The following LRRTM4 variants were observed in gnomAD, a reference collection of about 807,000 sequenced individuals.
The protein encoded by LRRTM4 is leucine-rich repeat transmembrane neuronal protein 4.
LRRTM4 carries 25 observed loss-of-function variants against 47.6 expected under a neutral mutation model. That is an observed-to-expected ratio of 0.53 (90% confidence interval 0.38 to 0.73). The LOEUF (loss-of-function observed/expected upper bound fraction) is 0.73, where lower values mean the gene tolerates loss of function less well. Among genes scored for constraint, LRRTM4 ranks in the 30% least tolerant of loss-of-function variants. The pLI is 0.00. For missense variants in LRRTM4, 638 were observed against 713.4 expected, an observed-to-expected ratio of 0.89 and a Z score of 1.20; for synonymous variants, 311 against 269.5, an observed-to-expected ratio of 1.15 and a Z score of -1.51.
intron 3 of LRRTM4, among the ~76,000 whole-genome samples, chr2:76,789,066 A>G (rs1310585978): frequency 6.6e-6 from 1 of 152,146 alleles, no homozygotes; most frequent in Admixed American, 6.5e-5. Context: ...TTCTATTACA[A>G]AATGATTCTT....
intron 3 of LRRTM4, among the ~76,000 whole-genome samples, chr2:76,971,603 G>A (rs1360698437): frequency 6.6e-6 from 1 of 152,016 alleles, no homozygotes; most frequent in South Asian, 2.1e-4. Context: ...TATCTGGATG[G>A]TGTCTTGTTG....
At position 77,519,294 on chromosome 2, in the gene LRRTM4, C is replaced by G; in HGVS notation, c.575G>C (p.Arg192Pro). The G allele has an allele frequency of 1.9e-6, 3 of 1,613,368 alleles. No homozygotes were observed. The highest frequency in any genetic ancestry group is 2.5e-6 in the Non-Finnish European group (3 of 1,179,578). The change falls in exon 3 of 4, where the codon CGT becomes CCT. Residue 192 changes from arginine to proline, a missense_variant. Transcript: ENST00000409884. The surrounding 1 kb of genome is among the most constrained non-coding windows in gnomAD (Gnocchi z 4.6). The part of the protein sequence containing the change: ...NLDFLDLGYN[R>P]LRSLSRNAFA... ...TGCATTTCGGGACAAGCTTCGAAGA[C>G]GATTGTAACCCAAATCCAAAAAATC...
chr2:77,308,595 T>C (rs1372188258), intron 3 of LRRTM4, among the ~76,000 whole-genome samples: 2 of 152,082 alleles, frequency 1.3e-5, no homozygotes, highest in African/African-American at 2.4e-5. Flanking sequence ...TGAGATAATG[T>C]CTCTTAATCC....
At chr2:77,492,548 T>A (rs1678209210) in intron 3 of LRRTM4, among the ~76,000 whole-genome samples, 1 of 152,162 alleles carries the variant, frequency 6.6e-6, no homozygotes, top group Non-Finnish European at 1.5e-5. Context: ...TGTGAGCCAC[T>A]GCACCTAGCT....
chr2:77,358,751 A>G (rs1672066664), intron 3 of LRRTM4, among the ~76,000 whole-genome samples: 1 of 152,178 alleles, frequency 6.6e-6, no homozygotes, highest in South Asian at 2.1e-4. Flanking sequence ...TCGGTAACAG[A>G]TATTTTAAAA....
chr2:76,805,756 T>C (rs1171216852), intron 3 of LRRTM4, among the ~76,000 whole-genome samples: 1 of 152,140 alleles, frequency 6.6e-6, no homozygotes, highest in Non-Finnish European at 1.5e-5. Flanking sequence ...AAAACCCACT[T>C]CTAAGTGCCT....
At chr2:77,301,138 A>G (rs1187530581) in intron 3 of LRRTM4, among the ~76,000 whole-genome samples, 1 of 152,088 alleles carries the variant, frequency 6.6e-6, no homozygotes. Flanking sequence ...CACATATTCA[A>G]TGTACTTCAA....
intron 3 of LRRTM4, among the ~76,000 whole-genome samples, chr2:77,023,708 T>G (rs1305017024): frequency 6.6e-6 from 1 of 152,174 alleles, no homozygotes; most frequent in Non-Finnish European, 1.5e-5. Context: ...TCATCTCCAT[T>G]TGAGGCCACC....
intron 3 of LRRTM4, among the ~76,000 whole-genome samples, chr2:77,187,530 C>T (rs1034738752): frequency 1.3e-5 from 2 of 151,414 alleles, no homozygotes; most frequent in Non-Finnish European, 2.9e-5. Flanking sequence ...TGCTAAATGA[C>T]GAGTTAATGG....
Position 77,522,264 on chromosome 2 carries a change from T to G in LRRTM4, c.-303A>C. On this transcript the variant is annotated 5_prime_UTR_variant, in exon 1 of 4. Coordinates refer to ENST00000409884, the MANE Select transcript of LRRTM4 (RefSeq NM_001134745.3). ...GTTTATCCATTTAGCTGGTCAGGTT[T>G]AAAGTGTTTTGTAGCTGTGCTGGGA... The G allele has an allele frequency of 1.7e-6, 1 of 597,374 alleles. No individual in the cohort carries two copies. Among genetic ancestry groups the G allele is most frequent in the East Asian group, 2.9e-5 (1 of 34,124 alleles). 37.0% of individuals were successfully genotyped at this position (597,374 alleles called of 1,614,324 possible).
At chr2:76,974,632 T>G (rs1235020386) in intron 3 of LRRTM4, among the ~76,000 whole-genome samples, 1 of 151,632 alleles carries the variant, frequency 6.6e-6, no homozygotes, top group Non-Finnish European at 1.5e-5. Context: ...AAGTGGAATT[T>G]CATATCACTA....
intron 3 of LRRTM4, among the ~76,000 whole-genome samples, chr2:77,245,371 A>C (rs578187192): frequency 1.3e-5 from 2 of 151,940 alleles, no homozygotes; most frequent in East Asian, 3.9e-4. Context: ...AAATAGTGAA[A>C]CCTCATCTCT....
At chr2:76,780,737 C>CTGA (rs1411202955) in intron 3 of LRRTM4, among the ~76,000 whole-genome samples, 1 of 152,146 alleles carries the variant, frequency 6.6e-6, no homozygotes, top group African/African-American at 2.4e-5. Context: ...ATTTGATTGT[C>CTGA]TGAAGTCTTC....
chr2:77,268,139 T>G (rs1401875509), intron 3 of LRRTM4, among the ~76,000 whole-genome samples: 1 of 152,114 alleles, frequency 6.6e-6, no homozygotes, highest in Non-Finnish European at 1.5e-5. Flanking sequence ...ACTTTCTAAT[T>G]TCTGTGTTTG....
chr2:77,411,618 ATTTTTTTTTT>A (rs1222177148), intron 3 of LRRTM4, among the ~76,000 whole-genome samples: 4 of 64,800 alleles, frequency 6.2e-5, no homozygotes, highest in East Asian at 4.6e-4. Context: ...ATGCCCGGCT[ATTTTTTTTTT>A]TTTTTTTTTT....
At chr2:77,374,043 G>A (rs1306905623) in intron 3 of LRRTM4, among the ~76,000 whole-genome samples, 2 of 151,786 alleles carry the variant, frequency 1.3e-5, no homozygotes, top group African/African-American at 4.8e-5. Flanking sequence ...CACTGGCTAA[G>A]ATCTGAAGCT....
intron 3 of LRRTM4, among the ~76,000 whole-genome samples, chr2:77,181,329 G>A (rs1673341445): frequency 6.6e-6 from 1 of 152,126 alleles, no homozygotes; most frequent in Non-Finnish European, 1.5e-5. Flanking sequence ...AAGGAGAGCT[G>A]AGCAAATCTC....
At chr2:77,196,824 C>T (rs1673841545) in intron 3 of LRRTM4, among the ~76,000 whole-genome samples, 1 of 151,888 alleles carries the variant, frequency 6.6e-6, no homozygotes, top group Admixed American at 6.6e-5. Context: ...TGTTTAGTAC[C>T]AAGAACAATA....
At chr2:77,134,519 T>C (rs993784117) in intron 3 of LRRTM4, among the ~76,000 whole-genome samples, 4 of 152,206 alleles carry the variant, frequency 2.6e-5, no homozygotes, top group African/African-American at 9.6e-5. Context: ...ATGGATTTAG[T>C]TTTTCTATTA....
Sources: gnomAD v4.1 joint callset for allele counts (sites outside exome capture counted in the v4.1 genomes callset) on GRCh38, gnomAD v4.1.1 for gene constraint, Gnocchi (gnomAD v3.1) non-coding constraint, MANE v1.5 for transcripts, NCBI Gene and HGNC (gene_info 2026-07-23, HGNC 2026-07-21) for gene names.